The following DNAH6 variants were observed in gnomAD, a reference collection of about 807,000 sequenced individuals.
The protein encoded by DNAH6 is axonemal beta dynein heavy chain 6.
In DNAH6, 340 loss-of-function variants were observed where a neutral mutation model predicts 491.4. That is an observed-to-expected ratio of 0.69 (90% CI 0.63 to 0.76). The LOEUF is 0.76. Among genes scored for constraint, DNAH6 ranks in the 30% least tolerant of loss-of-function variants. The probability of loss-of-function intolerance (pLI) is 0.00; values close to 1 mark genes in which losing one functional copy is unlikely to be tolerated. For synonymous variants in DNAH6, 1,603 were observed against 1,686.1 expected, an observed-to-expected ratio of 0.95 and a Z score of 1.21; for missense variants, 4,443 against 4,972.2, an observed-to-expected ratio of 0.89 and a Z score of 3.20.
chr2:84,525,546 G>A lies in DNAH6; in HGVS notation c.226-19G>A, dbSNP rs2104431906. On this transcript the variant is annotated intron_variant, in intron 2 of 76. Coordinates refer to ENST00000389394, the MANE Select transcript of DNAH6 (RefSeq NM_001370.2). ...TACGAATGTTAATAAAAATTAACAT[G>A]TCTCTCTATTTCCCAAAGCCAGTGC... is the stretch of plus-strand genomic sequence containing the variant. 1.3e-6 allele frequency: 2 copies of A among 1,528,902 alleles called. No individual in the cohort carries two copies. The highest frequency in any genetic ancestry group is 1.8e-6 in the Non-Finnish European group (2 of 1,140,446). 94.7% of individuals were successfully genotyped at this position (1,528,902 alleles called of 1,614,324 possible).
chr2:84,660,602 G>T (rs557678628), intron 37 of DNAH6, among the ~76,000 whole-genome samples: 2 of 151,832 alleles, frequency 1.3e-5, no homozygotes, highest in Non-Finnish European at 2.9e-5. Flanking sequence ...TATTTACATA[G>T]TTTCTAAGTA....
chr2:84,782,665 A>C (rs988498631), intron 65 of DNAH6, among the ~76,000 whole-genome samples: 3 of 151,958 alleles, frequency 2.0e-5, no homozygotes, highest in Non-Finnish European at 4.4e-5. Context: ...AATCTCCACT[A>C]TTTCCACTCT....
At chr2:84,699,533 C>G in intron 47 of DNAH6, 61 bp from the exon 48 acceptor site, 10 of 1,449,796 alleles carry the variant, frequency 6.9e-6, no homozygotes, top group Non-Finnish European at 7.5e-6. Flanking sequence ...TTAGCCAACA[C>G]TTATTTTCAT....
At chr2:84,614,096 G>A (rs1230257103) in intron 22 of DNAH6, among the ~76,000 whole-genome samples, 5 of 151,518 alleles carry the variant, frequency 3.3e-5, no homozygotes, top group African/African-American at 4.9e-5. Flanking sequence ...AAGTTCTTTA[G>A]TGGTGATTTC....
intron 71 of DNAH6, among the ~76,000 whole-genome samples, chr2:84,807,849 C>T (rs1293689097): frequency 1.3e-5 from 2 of 152,176 alleles, no homozygotes; most frequent in African/African-American, 4.8e-5. Flanking sequence ...GCTGACCTTC[C>T]ATTACATCCT....
upstream of DNAH6, among the ~76,000 whole-genome samples, chr2:84,515,702 A>C (rs76412856): frequency 0.022 from 3,397 of 152,278 alleles, 128 homozygotes; most frequent in African/African-American, 0.078. Flanking sequence ...AAGACAGGTG[A>C]AAGGATTTCT....
chr2:84,741,850 T>C (rs768836536), intron 62 of DNAH6, among the ~76,000 whole-genome samples: 2 of 152,202 alleles, frequency 1.3e-5, no homozygotes, highest in Admixed American at 1.3e-4. Context: ...GGCAGTTCCA[T>C]ATGTCAGGCA....
chr2:84,661,945 A>G (rs955431774), intron 37 of DNAH6, among the ~76,000 whole-genome samples: 3 of 152,220 alleles, frequency 2.0e-5, no homozygotes, highest in African/African-American at 4.8e-5. Context: ...GATATCAAAT[A>G]GACAAACTAG....
At chr2:84,707,780 T>C in intron 54 of DNAH6, 64 bp downstream of exon 54, 2 of 1,333,778 alleles carry the variant, frequency 1.5e-6, no homozygotes, top group Non-Finnish European at 2.1e-6. Context: ...CAGGGGTGGT[T>C]CATTTTTCTG....
chr2:84,692,913 A>G lies in DNAH6; in HGVS notation c.7293-1336A>G, dbSNP rs576129165. ...TTATTTTTTCCTTTGGGGATAATCT[A>G]TTACTTCTGCATTAGATAATCATAA... is the stretch of plus-strand genomic sequence containing the variant. On this transcript the variant is annotated intron_variant, in intron 45 of 76. Coordinates refer to ENST00000389394, the MANE Select transcript of DNAH6 (RefSeq NM_001370.2). Among the ~76,000 whole-genome samples the G allele has an allele frequency of 1.1e-3, 164 of 152,312 alleles. 6 individuals are homozygous for G. The South Asian group carries it at 0.032, about 30-fold the overall frequency.
chr2:84,500,507 A>G, the DNAH6 span, among the ~76,000 whole-genome samples: 1 of 152,102 alleles, frequency 6.6e-6, no homozygotes, highest in East Asian at 1.9e-4. Context: ...AGCTTTGGCT[A>G]CTCTGGGTCT....
In DNAH6 at chr2:84,604,415, C is replaced by T; in HGVS notation, c.2945C>T (p.Ala982Val). Reference sequence around the variant, plus strand: ...GCAGCTATTGAACAAACAGTTGATGCCACTCTAGTGGATGCTGAAATTCCA... The same window carrying T: ...GCAGCTATTGAACAAACAGTTGATGTCACTCTAGTGGATGCTGAAATTCCA... ...HWAAIEQTVDATLVDAEIPLT... is the reference protein window; with the variant it reads ...HWAAIEQTVDVTLVDAEIPLT... Residue 982 changes from alanine to valine, a missense_variant, in exon 19 of 77, where the codon GCC (alanine) becomes GTC (valine). This residue lies in a region of DNAH6 where 2,977 missense variants were observed against 3,296.6 expected (regional missense o/e 0.90). Transcript: ENST00000389394. 1 of 1,552,122 alleles carries T rather than the reference C, an allele frequency of 6.4e-7. No individual in the cohort carries two copies. The highest frequency in any genetic ancestry group is 8.7e-7 in the Non-Finnish European group (1 of 1,147,032).
At chr2:84,591,574 C>T (rs534500195) in intron 16 of DNAH6, among the ~76,000 whole-genome samples, 44 of 152,192 alleles carry the variant, frequency 2.9e-4, no homozygotes, top group Admixed American at 1.4e-3. Context: ...TACCAATTTC[C>T]CAATGACATT....
the DNAH6 span, among the ~76,000 whole-genome samples, chr2:84,491,993 C>G: frequency 6.6e-6 from 1 of 152,164 alleles, no homozygotes; most frequent in Non-Finnish European, 1.5e-5. Flanking sequence ...AAGATTCTCC[C>G]AGTCTACTGC....
At chr2:84,599,228 T>G (rs1312104742) in intron 18 of DNAH6, among the ~76,000 whole-genome samples, 1 of 61,262 alleles carries the variant, frequency 1.6e-5, no homozygotes, top group Admixed American at 2.2e-4. Flanking sequence ...TGCATAAAAG[T>G]TTTTTTTCAG....
chr2:84,633,149 G>A (rs1259193699), intron 29 of DNAH6, among the ~76,000 whole-genome samples: 1 of 152,084 alleles, frequency 6.6e-6, no homozygotes, highest in African/African-American at 2.4e-5. Context: ...AAATAATAAG[G>A]ATTTTCCTTC....
intron 33 of DNAH6, among the ~76,000 whole-genome samples, chr2:84,644,069 A>G (rs910873139): frequency 2.6e-5 from 4 of 152,118 alleles, no homozygotes; most frequent in African/African-American, 9.7e-5. Flanking sequence ...AAAGTGTTCT[A>G]TTGTCCTAGG....
intron 64 of DNAH6, among the ~76,000 whole-genome samples, chr2:84,780,394 C>G (rs1676566120): frequency 6.6e-6 from 1 of 152,128 alleles, no homozygotes; most frequent in South Asian, 2.1e-4. Flanking sequence ...TCTTTGAGCT[C>G]TGAAATTCGT....
At chr2:84,616,610 A>G (rs1686875200) in intron 22 of DNAH6, among the ~76,000 whole-genome samples, 1 of 152,246 alleles carries the variant, frequency 6.6e-6, no homozygotes, top group Non-Finnish European at 1.5e-5. Context: ...TCTTGAAGAC[A>G]GCAGTTACTG....
Sources: gnomAD v4.1 joint callset for allele counts (sites outside exome capture counted in the v4.1 genomes callset) on GRCh38, gnomAD v4.1.1 for gene constraint, gnomAD v4.1.1 regional missense constraint, MANE v1.5 for transcripts, NCBI Gene and HGNC (gene_info 2026-07-23, HGNC 2026-07-21) for gene names.